Variants in COP1 observed in about 807,000 individuals in gnomAD.
COP1 encodes the protein COP1 E3 ubiquitin ligase, also known as E3 ubiquitin-protein ligase COP1.
A neutral mutation model predicts 101.3 loss-of-function variants in COP1; 24 were observed. That is an observed-to-expected ratio of 0.24 (90% CI 0.17 to 0.33). The LOEUF is 0.33. Among genes scored for constraint, COP1 ranks in the 10% least tolerant of loss-of-function variants. The pLI, the probability that COP1 is intolerant of heterozygous loss-of-function variation, is 1.00. For missense variants in COP1, 663 were observed against 906.2 expected, an observed-to-expected ratio of 0.73 and a Z score of 3.45; for synonymous variants, 347 against 341.9, an observed-to-expected ratio of 1.01 and a Z score of -0.17.
chr1:176,136,509 T>C lies in COP1; in HGVS notation c.870A>G (p.Glu290=). The change falls in exon 7 of 20, where the codon GAA becomes GAG. Residue 290 remains glutamate (E), a synonymous_variant. Transcript: ENST00000367669. ...TTACTTCCACTCTCTTAATATCCTC[T>C]TCCAAAACACTTAGCTCCTTCTGGA... ...EQIQKELSVL[E]EDIKRVEEMS... is the part of the protein sequence containing the mutation. 1 of 1,606,890 alleles carries C rather than the reference T, an allele frequency of 6.2e-7. No individual in the cohort carries two copies. The highest frequency in any genetic ancestry group is 8.5e-7 in the Non-Finnish European group (1 of 1,175,068).
intron 15 of COP1, among the ~76,000 whole-genome samples, chr1:176,009,929 C>T (rs1664330620): frequency 6.9e-6 from 1 of 144,310 alleles, no homozygotes; most frequent in Non-Finnish European, 1.5e-5. Flanking sequence ...GAGGGTATGT[C>T]TTTATATTTC....
chr1:176,057,747 C>T (rs1464794393), intron 11 of COP1, among the ~76,000 whole-genome samples: 2 of 150,968 alleles, frequency 1.3e-5, no homozygotes, highest in African/African-American at 2.4e-5. Flanking sequence ...AGCCTCTGCC[C>T]GGCTGCCACC....
intron 8 of COP1, among the ~76,000 whole-genome samples, chr1:176,121,338 ATTC>A (rs888491310): frequency 1.3e-5 from 2 of 152,106 alleles, no homozygotes; most frequent in African/African-American, 4.8e-5. Context: ...ATTAGAAATC[ATTC>A]TTCATGTTTT....
chr1:176,170,652 A>G (rs1439232638), intron 3 of COP1, among the ~76,000 whole-genome samples: 2 of 152,212 alleles, frequency 1.3e-5, no homozygotes, highest in African/African-American at 4.8e-5. Context: ...CAGACACGGT[A>G]GATTTAGCAT....
At chr1:176,059,194 C>G (rs1205724299) in intron 11 of COP1, among the ~76,000 whole-genome samples, 2 of 152,220 alleles carry the variant, frequency 1.3e-5, no homozygotes, top group Non-Finnish European at 2.9e-5. Context: ...AGCTCACTCA[C>G]TATGTGGTTA....
intron 15 of COP1, among the ~76,000 whole-genome samples, chr1:175,992,916 T>C (rs1658997206): frequency 6.6e-6 from 1 of 152,176 alleles, no homozygotes. Context: ...CAGCTGGAGA[T>C]CTGAGAACGG....
intron 18 of COP1, among the ~76,000 whole-genome samples, chr1:175,951,294 A>C (rs1379136467): frequency 1.3e-5 from 2 of 150,046 alleles, no homozygotes; most frequent in Non-Finnish European, 3.0e-5. Flanking sequence ...ATAAAATAAA[A>C]TCCTGACAAG....
intron 17 of COP1, among the ~76,000 whole-genome samples, chr1:175,987,787 T>C (rs1657474762): frequency 6.6e-6 from 1 of 152,220 alleles, no homozygotes; most frequent in Non-Finnish European, 1.5e-5. Context: ...AGCATTTGAA[T>C]AATATCAAAT....
intron 1 of COP1, among the ~76,000 whole-genome samples, chr1:176,185,461 C>T (rs1698326721): frequency 6.6e-6 from 1 of 152,166 alleles, no homozygotes; most frequent in African/African-American, 2.4e-5. Context: ...GAATAAAAAA[C>T]AGAATACTCA....
chr1:175,975,290 ACC>A (rs1654255627), intron 18 of COP1, among the ~76,000 whole-genome samples: 1 of 152,050 alleles, frequency 6.6e-6, no homozygotes, highest in East Asian at 1.9e-4. Flanking sequence ...CACTCCCACC[ACC>A]ATTAGTTACA....
Position 176,098,956 on chromosome 1 carries a change from T to A in COP1, c.1027-13066A>T, listed in dbSNP as rs554376589. ...AAAATGGTGTTCAATCTTCTTTAGG[T>A]TATATTTTGGTGACTACTACTAATA... On this transcript the variant is annotated intron_variant, in intron 9 of 19. Coordinates refer to ENST00000367669, the MANE Select transcript of COP1 (RefSeq NM_022457.7). Among the ~76,000 whole-genome samples the A allele has an allele frequency of 2.6e-5, 4 of 152,334 alleles. No individual in the cohort carries two copies. The South Asian group carries it at 8.3e-4, about 32-fold the overall frequency.
intron 15 of COP1, among the ~76,000 whole-genome samples, chr1:176,019,298 A>G (rs1455875689): frequency 6.6e-6 from 1 of 151,642 alleles, no homozygotes; most frequent in Non-Finnish European, 1.5e-5. Flanking sequence ...CCCCGTCTCT[A>G]CTAAAAATAC....
chr1:176,134,016 C>T (rs1237326806), intron 8 of COP1: 1 of 374,514 alleles, frequency 2.7e-6, no homozygotes, highest in Non-Finnish European at 5.2e-6. Context: ...TTAACGAACT[C>T]ACAAGGATTC....
At chr1:176,056,709 G>A (rs987937025) in intron 11 of COP1, among the ~76,000 whole-genome samples, 3 of 151,954 alleles carry the variant, frequency 2.0e-5, no homozygotes, top group East Asian at 1.9e-4. Context: ...TATCAATCAC[G>A]TTTACTTTTG....
chr1:176,194,489 T>A (rs1048703769), intron 1 of COP1, among the ~76,000 whole-genome samples: 1 of 151,892 alleles, frequency 6.6e-6, no homozygotes, highest in East Asian at 1.9e-4. Flanking sequence ...AATACAAAAA[T>A]TAGCTGGGCA....
chr1:176,206,561 T>C lies in COP1; in HGVS notation c.407+11A>G. The C allele has an allele frequency of 6.2e-7, 1 of 1,603,722 alleles. No homozygotes were observed. Among genetic ancestry groups the C allele is most frequent in the Non-Finnish European group, 8.5e-7 (1 of 1,177,986 alleles). The stretch of plus-strand genomic sequence containing the variant: ...ATTTAGGGACAAGGAGGGAGTGCTC[T>C]TCAAACCCACCATACGAAGTCGTTG... On this transcript the variant is annotated intron_variant, in intron 1 of 19. Coordinates refer to ENST00000367669, the MANE Select transcript of COP1 (RefSeq NM_022457.7).
intron 18 of COP1, among the ~76,000 whole-genome samples, chr1:175,980,239 TG>T (rs1655499952): frequency 4.6e-5 from 7 of 151,808 alleles, no homozygotes; most frequent in African/African-American, 1.2e-4. Flanking sequence ...AATACTATGA[TG>T]TCTTTTTTTG....
intron 8 of COP1, chr1:176,134,015 T>C (rs1689391919): frequency 2.7e-6 from 1 of 373,766 alleles, no homozygotes; most frequent in East Asian, 7.2e-5. Context: ...ATTAACGAAC[T>C]CACAAGGATT....
intron 11 of COP1, among the ~76,000 whole-genome samples, chr1:176,054,858 C>T (rs1359980717): frequency 6.6e-6 from 1 of 152,112 alleles, no homozygotes; most frequent in African/African-American, 2.4e-5. Flanking sequence ...AATACCATAA[C>T]TTTACAAAAA....
Sources: gnomAD v4.1 joint callset for allele counts (sites outside exome capture counted in the v4.1 genomes callset) on GRCh38, gnomAD v4.1.1 for gene constraint, MANE v1.5 for transcripts, NCBI Gene and HGNC (gene_info 2026-07-23, HGNC 2026-07-21) for gene names.